Variants in PDE4D observed in about 807,000 individuals in gnomAD.
PDE4D encodes 3',5'-cyclic-AMP phosphodiesterase 4D.
A neutral mutation model predicts 87.4 loss-of-function variants in PDE4D; 24 were observed. The observed-to-expected ratio is 0.27, with a 90% CI of 0.20 to 0.39. The LOEUF is 0.39. PDE4D is among the 10% of genes least tolerant of loss of function. The probability of loss-of-function intolerance (pLI) is 1.00; values close to 1 mark genes in which losing one functional copy is unlikely to be tolerated. For missense variants in PDE4D, 714 were observed against 1,041.0 expected (o/e 0.69, Z 4.32); for synonymous variants, 384 against 383.2 (o/e 1.00, Z -0.02).
intron 1 of PDE4D, among the ~76,000 whole-genome samples, chr5:59,547,444 T>A (rs951765876): frequency 7.9e-5 from 12 of 152,118 alleles, no homozygotes; most frequent in African/African-American, 2.9e-4. Flanking sequence ...ATGAATGTCA[T>A]AATAATATAG....
chr5:60,189,204 T>C (rs1008052604), intron 1 of PDE4D, among the ~76,000 whole-genome samples: 1 of 152,060 alleles, frequency 6.6e-6, no homozygotes, highest in African/African-American at 2.4e-5. Context: ...TAAAAATGAA[T>C]AGAGGAGGTG....
At chr5:59,993,044 T>C in intron 2 of PDE4D, among the ~76,000 whole-genome samples, 1 of 152,168 alleles carries the variant, frequency 6.6e-6, no homozygotes, top group East Asian at 1.9e-4. Context: ...AAAATGGCAT[T>C]ATGGCAGGGA....
intron 1 of PDE4D, among the ~76,000 whole-genome samples, chr5:60,506,313 T>C (rs1750320388): frequency 6.6e-6 from 1 of 152,238 alleles, no homozygotes; most frequent in Non-Finnish European, 1.5e-5. Context: ...GCATACCCTA[T>C]GTATGCACAT....
intron 2 of PDE4D, among the ~76,000 whole-genome samples, chr5:59,200,258 CATACATATGTGTAT>C (rs1183384698): frequency 0.016 from 2,084 of 133,412 alleles, 198 homozygotes; most frequent in African/African-American, 0.059. Flanking sequence ...TACACGTATA[CATACATATGTGTAT>C]GTACAGCTAC....
chr5:59,805,206 C>T (rs1038036171), intron 1 of PDE4D, among the ~76,000 whole-genome samples: 10 of 152,318 alleles, frequency 6.6e-5, no homozygotes, highest in Non-Finnish European at 1.5e-4. Flanking sequence ...ATTTCAGTCA[C>T]ATGAAGCTAC....
At chr5:59,041,623 A>G (rs1451396477) in intron 5 of PDE4D, among the ~76,000 whole-genome samples, 4 of 152,180 alleles carry the variant, frequency 2.6e-5, no homozygotes, top group African/African-American at 9.7e-5. Flanking sequence ...ATTGGTTACA[A>G]TGAAGCTGGG....
intron 1 of PDE4D, among the ~76,000 whole-genome samples, chr5:59,538,025 T>C (rs762834963): frequency 6.6e-6 from 1 of 152,234 alleles, no homozygotes; most frequent in Admixed American, 6.5e-5. Context: ...TGTTGTGTCA[T>C]AGTTTCCACT....
chr5:59,215,797 G>C lies in PDE4D; in HGVS notation c.627C>G (p.Asn209Lys). The change falls in exon 2 of 15, where the codon AAC becomes AAG. Residue 209 changes from asparagine (N) to lysine (K), a missense_variant. By Grantham distance (94) the Asn-to-Lys change is moderately conservative. This residue lies in a region of PDE4D where 90 missense variants were observed against 177.6 expected (regional missense o/e 0.51). Transcript: ENST00000340635. Reference sequence around the variant, plus strand: ...CTTACATATCACTGGCAATGGAGGAGTTCCGGGACATAGACTTTGGAGAGA... The same window carrying C: ...CTTACATATCACTGGCAATGGAGGACTTCCGGGACATAGACTTTGGAGAGA... ...YDLSPKSMSR[N>K]SSIASDIHGD... 6.2e-7 allele frequency: 1 copy of C among 1,613,640 alleles called. No homozygotes were observed. Among genetic ancestry groups the C allele is most frequent in the South Asian group, 1.1e-5 (1 of 91,080 alleles).
At chr5:60,010,806 T>C (rs1764951574) in intron 2 of PDE4D, among the ~76,000 whole-genome samples, 1 of 152,190 alleles carries the variant, frequency 6.6e-6, no homozygotes. Context: ...TAGGTAGTAA[T>C]GATTTTTTAA....
At chr5:59,271,681 G>A (rs376224380) in intron 1 of PDE4D, among the ~76,000 whole-genome samples, 23 of 151,946 alleles carry the variant, frequency 1.5e-4, no homozygotes, top group African/African-American at 5.6e-4. Context: ...TCAGAAAATT[G>A]TATCCAACCA....
chr5:59,799,808 G>C (rs1766909082), intron 1 of PDE4D, among the ~76,000 whole-genome samples: 1 of 152,160 alleles, frequency 6.6e-6, no homozygotes, highest in Non-Finnish European at 1.5e-5. Context: ...ATTTGGTTTA[G>C]ATACCCAAGG....
chr5:60,462,722 T>C (rs1264745230), intron 1 of PDE4D, among the ~76,000 whole-genome samples: 1 of 152,170 alleles, frequency 6.6e-6, no homozygotes, highest in African/African-American at 2.4e-5. Flanking sequence ...TAGAATAGTG[T>C]CTTCCCTTAA....
chr5:59,780,130 A>G (rs1389473589), intron 1 of PDE4D, among the ~76,000 whole-genome samples: 5 of 152,058 alleles, frequency 3.3e-5, no homozygotes, highest in Admixed American at 3.3e-4. Context: ...TTGGGAGGCC[A>G]AGGCAGGTCG....
intron 1 of PDE4D, among the ~76,000 whole-genome samples, chr5:60,386,165 T>G (rs1014013451): frequency 2.0e-5 from 3 of 152,182 alleles, no homozygotes; most frequent in African/African-American, 7.2e-5. Flanking sequence ...CAAGGAAACT[T>G]TGGAAAAAAA....
intron 1 of PDE4D, among the ~76,000 whole-genome samples, chr5:59,358,259 A>G (rs1246437223): frequency 6.6e-6 from 1 of 152,194 alleles, no homozygotes; most frequent in African/African-American, 2.4e-5. Flanking sequence ...ATGAGCTCAA[A>G]GAAAGTGGGT....
At chr5:60,283,281 T>C (rs1409832834) in intron 1 of PDE4D, among the ~76,000 whole-genome samples, 1 of 152,190 alleles carries the variant, frequency 6.6e-6, no homozygotes, top group East Asian at 1.9e-4. Flanking sequence ...GTCATAGATA[T>C]TTTTTCATAA....
chr5:59,930,519 T>C (rs1755798803), intron 3 of PDE4D, among the ~76,000 whole-genome samples: 1 of 152,178 alleles, frequency 6.6e-6, no homozygotes, highest in South Asian at 2.1e-4. Context: ...AACCAACAAG[T>C]CCTGCTAACA....
intron 5 of PDE4D, among the ~76,000 whole-genome samples, chr5:59,048,525 GT>G (rs987385936): frequency 2.6e-5 from 4 of 152,142 alleles, no homozygotes; most frequent in Non-Finnish European, 2.9e-5. Flanking sequence ...TTTTAAGGTT[GT>G]TCATTATAGT....
intron 1 of PDE4D, among the ~76,000 whole-genome samples, chr5:60,317,226 T>G (rs1171928654): frequency 6.6e-6 from 1 of 152,144 alleles, no homozygotes; most frequent in African/African-American, 2.4e-5. Flanking sequence ...GAGGGTGTAT[T>G]TGTCCAGGAC....
Sources: allele counts gnomAD v4.1 joint callset (sites outside exome capture counted in the v4.1 genomes callset), GRCh38; gene constraint gnomAD v4.1.1; regional missense constraint gnomAD v4.1.1; transcripts MANE v1.5; gene names NCBI Gene and HGNC (gene_info 2026-07-23, HGNC 2026-07-21).